Variants in IQGAP2 observed in about 807,000 individuals in gnomAD.
IQGAP2 encodes the protein ras GTPase-activating-like protein IQGAP2.
In IQGAP2, 173 loss-of-function variants were observed where a neutral mutation model predicts 201.3. The ratio of observed to expected loss-of-function variants is 0.86; its 90% confidence interval spans 0.76 to 0.98. The LOEUF (loss-of-function observed/expected upper bound fraction) is 0.98. Ranked by LOEUF, IQGAP2 falls within the 50% of genes least tolerant of loss-of-function variation. The pLI, the probability that IQGAP2 is intolerant of heterozygous loss-of-function variation, is 0.00. For missense variants in IQGAP2, 1,687 were observed against 1,864.8 expected (o/e 0.90, Z 1.76); for synonymous variants, 675 against 673.9 (o/e 1.00, Z -0.03).
chr5:76,498,714 C>T (rs1445428691), intron 2 of IQGAP2, among the ~76,000 whole-genome samples: 1 of 152,236 alleles, frequency 6.6e-6, no homozygotes, highest in African/African-American at 2.4e-5. Flanking sequence ...TTGGTTTTGG[C>T]ATACTGCTAT....
intron 17 of IQGAP2, among the ~76,000 whole-genome samples, chr5:76,642,585 A>C (rs1751676563): frequency 6.6e-6 from 1 of 152,210 alleles, no homozygotes; most frequent in African/African-American, 2.4e-5. Flanking sequence ...CATAAAACCA[A>C]GAGACTGTGA....
At chr5:76,475,720 A>G (rs1755377182) in intron 2 of IQGAP2, among the ~76,000 whole-genome samples, 1 of 152,126 alleles carries the variant, frequency 6.6e-6, no homozygotes, top group Non-Finnish European at 1.5e-5. Context: ...CTGGGATGGT[A>G]GTTAAGCTTC....
At chr5:76,559,769 T>C (rs1021449199) in intron 2 of IQGAP2, among the ~76,000 whole-genome samples, 2 of 152,128 alleles carry the variant, frequency 1.3e-5, no homozygotes, top group African/African-American at 4.8e-5. Context: ...TCTGCGTGGG[T>C]TTTCTCTGGG....
chr5:76,675,337 C>G (rs1235162205), intron 27 of IQGAP2, among the ~76,000 whole-genome samples: 1 of 152,102 alleles, frequency 6.6e-6, no homozygotes, highest in Non-Finnish European at 1.5e-5. Context: ...TGGAACCAAT[C>G]CCCCAAACAT....
At chr5:76,630,398 A>G (rs1750599942) in intron 14 of IQGAP2, among the ~76,000 whole-genome samples, 1 of 152,180 alleles carries the variant, frequency 6.6e-6, no homozygotes. Flanking sequence ...TGGGTAAAAT[A>G]AGGAGCAATA....
In IQGAP2 at chr5:76,643,922, A is replaced by ATTT. The variant is rs35194336; in HGVS notation, c.2094+2825_2094+2827dup. On this transcript the variant is annotated intron_variant, in intron 17 of 35. Transcript: ENST00000274364. ...ACCGACTGCTCTTATAGATGGCTGG[A>ATTT]TTTTTTTTACCTTTGAGGAGAGGGA... Among the ~76,000 whole-genome samples, 359 of 151,448 alleles carry ATTT rather than the reference A, an allele frequency of 2.4e-3. 3 individuals carry two copies. Among genetic ancestry groups the ATTT allele is most frequent in the African/African-American group, 2.3e-3 (97 of 41,292 alleles).
At chr5:76,660,595 A>G (rs1223033838) in intron 21 of IQGAP2, among the ~76,000 whole-genome samples, 2 of 152,264 alleles carry the variant, frequency 1.3e-5, no homozygotes, top group African/African-American at 2.4e-5. Context: ...TGGAAACACA[A>G]TCATGGCAAG....
At chr5:76,553,097 C>T (rs1015651433) in intron 2 of IQGAP2, among the ~76,000 whole-genome samples, 2 of 152,286 alleles carry the variant, frequency 1.3e-5, no homozygotes, top group Non-Finnish European at 2.9e-5. Flanking sequence ...CCACGTTCCC[C>T]TGGGCTAATA....
At chr5:76,570,789 T>C (rs569238455) in intron 4 of IQGAP2, 132 bp downstream of exon 4, 4 of 660,454 alleles carry the variant, frequency 6.1e-6, no homozygotes, top group African/African-American at 5.4e-5. Flanking sequence ...CTAAAAAACA[T>C]GGAAAGACCT....
At chr5:76,559,833 C>T (rs938339840) in intron 2 of IQGAP2, among the ~76,000 whole-genome samples, 8 of 152,120 alleles carry the variant, frequency 5.3e-5, no homozygotes, top group African/African-American at 1.9e-4. Context: ...ACTGATGTGG[C>T]TACATAGTCC....
At chr5:76,630,798 A>G (rs1356315293) in intron 14 of IQGAP2, among the ~76,000 whole-genome samples, 1 of 152,154 alleles carries the variant, frequency 6.6e-6, no homozygotes, top group African/African-American at 2.4e-5. Context: ...CTGTTAGCAT[A>G]AGAACATGCT....
intron 1 of IQGAP2, among the ~76,000 whole-genome samples, chr5:76,415,756 A>G (rs972530970): frequency 6.6e-6 from 1 of 152,208 alleles, no homozygotes; most frequent in African/African-American, 2.4e-5. Flanking sequence ...AACCTGGCCA[A>G]TGTAGTGAAA....
chr5:76,678,224 G>A (rs1022822892), intron 28 of IQGAP2, among the ~76,000 whole-genome samples: 1 of 152,060 alleles, frequency 6.6e-6, no homozygotes, highest in South Asian at 2.1e-4. Flanking sequence ...CACTTCCATT[G>A]TTCTGGAAAC....
At chr5:76,501,560 C>T (rs1757274119) in intron 2 of IQGAP2, among the ~76,000 whole-genome samples, 1 of 151,826 alleles carries the variant, frequency 6.6e-6, no homozygotes, top group Non-Finnish European at 1.5e-5. Context: ...CCCCCACCTT[C>T]CTCCCACCCC....
intron 5 of IQGAP2, among the ~76,000 whole-genome samples, chr5:76,578,661 A>G (rs1745630712): frequency 6.6e-6 from 1 of 152,128 alleles, no homozygotes; most frequent in Non-Finnish European, 1.5e-5. Context: ...ATTTTTTCAA[A>G]AGTAATGTAT....
chr5:76,469,106 G>A (rs1231328994), intron 2 of IQGAP2, among the ~76,000 whole-genome samples: 2 of 152,142 alleles, frequency 1.3e-5, no homozygotes, highest in African/African-American at 2.4e-5. Flanking sequence ...CCAGCCTAGC[G>A]GTAATCTTTG....
intron 20 of IQGAP2, among the ~76,000 whole-genome samples, chr5:76,655,778 T>A (rs1255447038): frequency 6.6e-6 from 1 of 152,198 alleles, no homozygotes; most frequent in Admixed American, 6.5e-5. Context: ...AAAATAAAAT[T>A]CACCCAAAAA....
chr5:76,478,776 CTG>C, intron 2 of IQGAP2, among the ~76,000 whole-genome samples: 1 of 152,282 alleles, frequency 6.6e-6, no homozygotes, highest in Non-Finnish European at 1.5e-5. Flanking sequence ...TAAGTGCACT[CTG>C]TGATGTTTGC....
intron 33 of IQGAP2, among the ~76,000 whole-genome samples, chr5:76,699,878 T>TATATACAAAAATA: frequency 8.4e-6 from 1 of 119,040 alleles, no homozygotes; most frequent in Non-Finnish European, 1.8e-5. Context: ...CATATATAGT[T>TATATACAAAAATA]CATTTGCTTC....
Sources: allele counts gnomAD v4.1 joint callset (sites outside exome capture counted in the v4.1 genomes callset), GRCh38; gene constraint gnomAD v4.1.1; transcripts MANE v1.5; gene names NCBI Gene and HGNC (gene_info 2026-07-23, HGNC 2026-07-21).